The following ELF1 variants were observed in gnomAD, a reference collection of about 807,000 sequenced individuals.
The protein encoded by ELF1 is E74 like ETS transcription factor 1, also known as ETS-related transcription factor Elf-1.
ELF1 carries 24 observed loss-of-function variants against 59.9 expected under a neutral mutation model. That is an observed-to-expected ratio of 0.40 (90% CI 0.29 to 0.56). The LOEUF is 0.56. ELF1 is among the 20% of genes least tolerant of loss of function. The pLI, the probability that ELF1 is intolerant of heterozygous loss-of-function variation, is 0.44. For missense variants in ELF1, 627 were observed against 742.2 expected (o/e 0.84, Z 1.80); for synonymous variants, 248 against 266.2 (o/e 0.93, Z 0.67).
intron 2 of ELF1, among the ~76,000 whole-genome samples, chr13:40,965,645 G>A (rs1190190090): frequency 6.6e-6 from 1 of 151,786 alleles, no homozygotes; most frequent in East Asian, 1.9e-4. Flanking sequence ...AGAAATGAAG[G>A]TTTCAATGCT....
chr13:40,954,558 C>CT (rs1871087015), intron 3 of ELF1, among the ~76,000 whole-genome samples: 1 of 151,878 alleles, frequency 6.6e-6, no homozygotes, highest in African/African-American at 2.4e-5. Context: ...CCTGATTCTC[C>CT]TGCCTCAGCC....
At chr13:40,953,814 G>A (rs187067076) in intron 3 of ELF1, among the ~76,000 whole-genome samples, 5 of 152,328 alleles carry the variant, frequency 3.3e-5, no homozygotes, top group African/African-American at 9.6e-5. Flanking sequence ...CTCAGAAAAG[G>A]ATGGAAGAGT....
At chr13:41,032,078 T>C (rs189018884) in intron 1 of ELF1, among the ~76,000 whole-genome samples, 91 of 152,112 alleles carry the variant, frequency 6.0e-4, no homozygotes, top group Non-Finnish European at 1.2e-3. Context: ...TCATCTTAAA[T>C]ACACCAAAAT....
At position 40,943,871 on chromosome 13, in the gene ELF1, G is replaced by C. The variant is rs1870340367; in HGVS notation, c.584C>G (p.Ser195Cys). Residue 195 changes from serine to cysteine, a missense_variant, in exon 6 of 9, where the codon TCT becomes TGT. By Grantham distance (112) the Ser-to-Cys change is moderately radical (BLOSUM62 -1). Around this residue, in one of 3 missense-constraint regions of ELF1, gnomAD observed 232 missense variants for 269.2 expected, o/e 0.86. Coordinates refer to ENST00000239882, the MANE Select transcript of ELF1 (RefSeq NM_172373.4). ...TCCATCTTTGTTTTTCTTCTTCACA[G>C]ATATATTTGGCGTAGTGGCTGGGGA... Reference protein sequence around the residue: ...PDSPATTPNISVKKKNKDGKG... With the variant: ...PDSPATTPNICVKKKNKDGKG... The C allele has an allele frequency of 1.2e-6, 2 of 1,613,542 alleles. No individual in the cohort carries two copies. The highest frequency in any genetic ancestry group is 2.2e-5 in the East Asian group (1 of 44,858).
chr13:41,035,845 A>AC (rs1184148506), intron 1 of ELF1, among the ~76,000 whole-genome samples: 2 of 146,804 alleles, frequency 1.4e-5, no homozygotes, highest in African/African-American at 2.6e-5. Flanking sequence ...TTAAAAAAAA[A>AC]ACAACAACAA....
chr13:40,955,674 T>TG (rs1871306240), intron 3 of ELF1, among the ~76,000 whole-genome samples: 1 of 75,988 alleles, frequency 1.3e-5, no homozygotes, highest in African/African-American at 5.3e-5. Flanking sequence ...GGGAGGGAGG[T>TG]GGGGGAGTCA....
intron 3 of ELF1, among the ~76,000 whole-genome samples, chr13:40,956,252 C>T (rs938353631): frequency 1.4e-4 from 22 of 151,816 alleles, no homozygotes; most frequent in Admixed American, 2.6e-4. Flanking sequence ...GCCTTGGGAT[C>T]CTGTTGATCT....
In ELF1 at chr13:40,933,449, T is replaced by A. The variant is rs140656224; in HGVS notation, c.1836A>T (p.Glu612Asp). 3.2e-5 allele frequency: 52 copies of A among 1,613,296 alleles called. No individual in the cohort carries two copies. The highest frequency in any genetic ancestry group is 4.2e-5 in the Non-Finnish European group (50 of 1,179,588). The change falls in exon 9 of 9, where the codon GAA becomes GAT. Residue 612 changes from glutamate to aspartate, a missense_variant. Around this residue, in one of 3 missense-constraint regions of ELF1, gnomAD observed 361 missense variants for 396.1 expected, o/e 0.91. Coordinates refer to ENST00000239882, the MANE Select transcript of ELF1 (RefSeq NM_172373.4). ...ACTAAAAAGAGTTGGGTTCCAGCAG[T>A]TCGTTTTGTTTCATAGCTACCTGAG... ...FTSQVAMKQN[E>D]LLEPNSF
At position 40,948,545 on chromosome 13, in the gene ELF1, T is replaced by C. The variant is rs773290417; in HGVS notation, c.529+1261A>G. Among the ~76,000 whole-genome samples the C allele has an allele frequency of 3.9e-5, 6 of 152,210 alleles. No homozygotes were observed. The South Asian group carries it at 1.0e-3, about 26-fold the overall frequency. ...TTATTTTCCTCTTCATTTTCAGCTC[T>C]TGGAATTTCCCTGACTTTCACATGA... On this transcript the variant is annotated intron_variant, in intron 5 of 8. Coordinates refer to ENST00000239882, the MANE Select transcript of ELF1 (RefSeq NM_172373.4).
chr13:41,013,373 T>C (rs1247603065), intron 1 of ELF1, among the ~76,000 whole-genome samples: 1 of 152,094 alleles, frequency 6.6e-6, no homozygotes, highest in Non-Finnish European at 1.5e-5. Flanking sequence ...AGAGAATAAA[T>C]ACATTCTGGT....
In ELF1 at chr13:40,933,891, T is replaced by G. The variant is rs769160866; in HGVS notation, c.1394A>C (p.Lys465Thr). 1.6e-5 allele frequency: 26 copies of G among 1,614,228 alleles called. No homozygotes were observed. Among genetic ancestry groups the G allele is most frequent in the Non-Finnish European group, 2.1e-5 (25 of 1,180,042 alleles). ...TDPSAGTGSQ[K>T]FILQAIPSSQ... ...TGATGGAATGGCTTGTAAAATAAAC[T>G]TCTGAGATCCAGTACCTGCTGATGG... Residue 465 changes from lysine (K) to threonine (T), a missense_variant, in exon 9 of 9, where the codon AAG becomes ACG. Transcript: ENST00000239882.
intron 2 of ELF1, among the ~76,000 whole-genome samples, chr13:40,964,305 C>T (rs974745420): frequency 6.6e-6 from 1 of 152,154 alleles, no homozygotes; most frequent in African/African-American, 2.4e-5. Flanking sequence ...GCTGCTGCAA[C>T]AAAGTACTAC....
At chr13:40,939,231 C>T (rs1869979530) in intron 8 of ELF1, among the ~76,000 whole-genome samples, 1 of 152,054 alleles carries the variant, frequency 6.6e-6, no homozygotes, top group South Asian at 2.1e-4. Context: ...GAGAGGACTG[C>T]TTGAGTCCTG....
chr13:40,983,051 C>T (rs983948757), intron 1 of ELF1, among the ~76,000 whole-genome samples: 5 of 151,822 alleles, frequency 3.3e-5, no homozygotes, highest in Admixed American at 2.6e-4. Context: ...AATTTCACAG[C>T]GAAGGGACAA....
intron 1 of ELF1, among the ~76,000 whole-genome samples, chr13:41,004,652 T>C (rs1285562337): frequency 1.3e-5 from 2 of 152,264 alleles, no homozygotes; most frequent in African/African-American, 4.8e-5. Context: ...AATCCTGATA[T>C]ACTAATACAT....
intron 3 of ELF1, among the ~76,000 whole-genome samples, chr13:40,953,560 C>T (rs2138169989): frequency 6.6e-6 from 1 of 152,340 alleles, no homozygotes; most frequent in South Asian, 2.1e-4. Flanking sequence ...ATATCTTGAT[C>T]TCAGACTTCT....
intron 1 of ELF1, among the ~76,000 whole-genome samples, chr13:41,027,661 C>G (rs892156300): frequency 6.6e-6 from 1 of 152,220 alleles, no homozygotes; most frequent in Non-Finnish European, 1.5e-5. Context: ...TTCCTGCACA[C>G]AATGCTTCTC....
intron 1 of ELF1, 51 bp downstream of exon 1, chr13:41,019,177 A>C: frequency 1.0e-6 from 1 of 985,156 alleles, no homozygotes; most frequent in Non-Finnish European, 1.2e-6. Flanking sequence ...CCCTCTGTTT[A>C]TCAGCTCAAG....
At chr13:40,937,669 C>T (rs1869871499) in intron 8 of ELF1, among the ~76,000 whole-genome samples, 1 of 152,150 alleles carries the variant, frequency 6.6e-6, no homozygotes, top group Admixed American at 6.5e-5. Flanking sequence ...CGGGTTTTCA[C>T]CATGTTGGGA....
Sources: allele counts gnomAD v4.1 joint callset (sites outside exome capture counted in the v4.1 genomes callset), GRCh38; gene constraint gnomAD v4.1.1; regional missense constraint gnomAD v4.1.1; transcripts MANE v1.5; gene names NCBI Gene and HGNC (gene_info 2026-07-23, HGNC 2026-07-21).